Variants in ANAPC4 observed in about 807,000 individuals in gnomAD.
ANAPC4 encodes the protein anaphase promoting complex subunit 4.
A neutral mutation model predicts 119.8 loss-of-function variants in ANAPC4; 63 were observed. That is an observed-to-expected ratio of 0.53 (90% confidence interval 0.43 to 0.65). The LOEUF is 0.65. Among genes scored for constraint, ANAPC4 ranks in the 30% least tolerant of loss-of-function variants. ANAPC4 has a pLI of 0.00. For missense variants in ANAPC4, 716 were observed against 945.1 expected, an observed-to-expected ratio of 0.76 and a Z score of 3.18; for synonymous variants, 283 against 318.6, an observed-to-expected ratio of 0.89 and a Z score of 1.19.
intron 17 of ANAPC4, among the ~76,000 whole-genome samples, chr4:25,403,269 A>G (rs56217533): frequency 0.048 from 7,372 of 152,124 alleles, 205 homozygotes; most frequent in South Asian, 0.078. Flanking sequence ...TAATAAATAT[A>G]CATATTTTTG....
At chr4:25,383,151 G>A in intron 3 of ANAPC4, 110 bp from the exon 4 acceptor site, 1 of 1,009,094 alleles carries the variant, frequency 9.9e-7, no homozygotes, top group Non-Finnish European at 1.4e-6. Flanking sequence ...GTCAAAAATT[G>A]CCATGATGAA....
intron 16 of ANAPC4, among the ~76,000 whole-genome samples, chr4:25,400,796 G>A (rs1237703528): frequency 6.6e-6 from 1 of 152,184 alleles, no homozygotes; most frequent in African/African-American, 2.4e-5. Flanking sequence ...ATGGTGAAAG[G>A]TAGTAGAACC....
chr4:25,410,986 G>T (rs1223640390), intron 21 of ANAPC4, among the ~76,000 whole-genome samples: 1 of 131,452 alleles, frequency 7.6e-6, no homozygotes, highest in Non-Finnish European at 1.6e-5. Flanking sequence ...ACTTGTATTT[G>T]GTTGCTGCTT....
At chr4:25,386,730 G>C (rs1218614749) in intron 4 of ANAPC4, among the ~76,000 whole-genome samples, 1 of 152,210 alleles carries the variant, frequency 6.6e-6, no homozygotes, top group Non-Finnish European at 1.5e-5. Flanking sequence ...AGACTTGCTT[G>C]ACACAGGGTT....
chr4:25,381,357 A>G (rs546678366), intron 3 of ANAPC4, among the ~76,000 whole-genome samples: 57 of 152,148 alleles, frequency 3.7e-4, no homozygotes, highest in Admixed American at 1.0e-3. Context: ...GCAGTGGTGC[A>G]ATCTCGGCTC....
chr4:25,380,187 C>G (rs1721632680), intron 2 of ANAPC4, among the ~76,000 whole-genome samples, 187 bp from the exon 3 acceptor site: 1 of 152,102 alleles, frequency 6.6e-6, no homozygotes, highest in Non-Finnish European at 1.5e-5. Flanking sequence ...TAAATTAGAC[C>G]TTGTTTCACC....
At chr4:25,416,371 T>G in intron 26 of ANAPC4, 54 bp from the exon 27 acceptor site, 4 of 1,274,438 alleles carry the variant, frequency 3.1e-6, no homozygotes, top group Non-Finnish European at 4.1e-6. Flanking sequence ...GCATACAATA[T>G]TTTCTCAGTA....
chr4:25,415,649 G>C (rs917435427), intron 26 of ANAPC4, 109 bp downstream of exon 26: 2 of 822,628 alleles, frequency 2.4e-6, no homozygotes, highest in Non-Finnish European at 3.8e-6. Flanking sequence ...AAAGGGCTTT[G>C]CCACTTCCCA....
chr4:25,415,446 T>C lies in ANAPC4; in HGVS notation c.1827-20T>C, dbSNP rs553036418. ...AGGTTGTTCCACAGAGTCTCTTTTT[T>C]TCCCCCTTCTTTCTTGAAGATCTGT... is the stretch of plus-strand genomic sequence containing the variant. On this transcript the variant is annotated intron_variant, in intron 25 of 28. Transcript: ENST00000315368. 8.6e-5 allele frequency: 137 copies of C among 1,600,098 alleles called. 1 individual carries two copies. Among genetic ancestry groups the C allele is most frequent in the South Asian group, 3.2e-4 (29 of 89,650 alleles).
chr4:25,390,064 A>C, intron 7 of ANAPC4, 72 bp from the exon 8 acceptor site: 2 of 1,059,736 alleles, frequency 1.9e-6, no homozygotes, highest in Non-Finnish European at 2.9e-6. Context: ...GTAATAATTT[A>C]TATCTCGCTT....
chr4:25,405,735 C>A lies in ANAPC4; in HGVS notation c.1317+116C>A. 2.2e-6 allele frequency: 2 copies of A among 930,164 alleles called. No homozygotes were observed. Among genetic ancestry groups the A allele is most frequent in the Non-Finnish European group, 3.3e-6 (2 of 597,490 alleles). The allele number at this position is 930,164 out of a possible 1,614,324, so 57.6% of individuals were successfully genotyped here. On this transcript the variant is annotated intron_variant, in intron 18 of 28. Coordinates refer to ENST00000315368, the MANE Select transcript of ANAPC4 (RefSeq NM_013367.3). This position sits in a 1 kb window ranked among gnomAD's most constrained non-coding sequence, Gnocchi z 4.6. ...AGTTAACAGGATGTCAGGATGTAGA[C>A]GTTAGATCCCTTAAGCACCACCTTT...
In ANAPC4 at chr4:25,405,061, AC is replaced by A. The variant is rs1241128083; in HGVS notation, c.1271-511del. Among the ~76,000 whole-genome samples the A allele has an allele frequency of 2.0e-5, 3 of 151,758 alleles. No homozygotes were observed. Among genetic ancestry groups the A allele is most frequent in the Non-Finnish European group, 4.4e-5 (3 of 67,980 alleles). On this transcript the variant is annotated intron_variant, in intron 17 of 28. Coordinates refer to ENST00000315368, the MANE Select transcript of ANAPC4 (RefSeq NM_013367.3). This position sits in a 1 kb window ranked among gnomAD's most constrained non-coding sequence, Gnocchi z 4.6. ...ACTTAGGTGGAACGTAATACAAAAC[AC>A]ATAGTACTGATGAGGACAATCCTGT... is the stretch of plus-strand genomic sequence containing the variant.
At chr4:25,390,316 G>C in intron 8 of ANAPC4, 96 bp downstream of exon 8, 1 of 854,870 alleles carries the variant, frequency 1.2e-6, no homozygotes, top group East Asian at 2.8e-5. Context: ...TTTTTTTTCA[G>C]TTTCGATTTT....
At chr4:25,388,111 A>G (rs2109116276) in intron 4 of ANAPC4, among the ~76,000 whole-genome samples, 1 of 152,262 alleles carries the variant, frequency 6.6e-6, no homozygotes, top group Non-Finnish European at 1.5e-5. Context: ...CCTGGGTGAG[A>G]CCCTGTCTCA....
At chr4:25,417,773 A>G in intron 28 of ANAPC4, 34 bp downstream of exon 28, 1 of 1,583,552 alleles carries the variant, frequency 6.3e-7, no homozygotes, top group Non-Finnish European at 8.6e-7. Flanking sequence ...CAACTAAGAA[A>G]TTACAAGAAG....
At chr4:25,407,393 ATTT>A in intron 20 of ANAPC4, 140 bp downstream of exon 20, 1 of 579,708 alleles carries the variant, frequency 1.7e-6, no homozygotes, top group Non-Finnish European at 2.8e-6. Flanking sequence ...GTTTTTAAAC[ATTT>A]TGATCTGAGA....
At chr4:25,387,366 A>G (rs1223155601) in intron 4 of ANAPC4, among the ~76,000 whole-genome samples, 2 of 152,206 alleles carry the variant, frequency 1.3e-5, no homozygotes, top group Non-Finnish European at 2.9e-5. Flanking sequence ...CCTGAATATT[A>G]ATTGCCAGCT....
intron 2 of ANAPC4, 112 bp downstream of exon 2, chr4:25,377,668 C>A: frequency 1.4e-6 from 2 of 1,454,486 alleles, no homozygotes; most frequent in Non-Finnish European, 1.8e-6. Flanking sequence ...CTCAGTTTCC[C>A]CTTCTGCAGA....
chr4:25,377,731 T>G (rs1379175465), intron 2 of ANAPC4, among the ~76,000 whole-genome samples, 175 bp downstream of exon 2: 1 of 152,212 alleles, frequency 6.6e-6, no homozygotes, highest in Admixed American at 6.5e-5. Context: ...GCAGTAAACT[T>G]TAAGTATATA....
Sources: gnomAD v4.1 joint callset for allele counts (sites outside exome capture counted in the v4.1 genomes callset) on GRCh38, gnomAD v4.1.1 for gene constraint, Gnocchi (gnomAD v3.1) non-coding constraint, MANE v1.5 for transcripts, NCBI Gene and HGNC (gene_info 2026-07-23, HGNC 2026-07-21) for gene names.